The following PRMT8 variants were observed in gnomAD, a reference collection of about 807,000 sequenced individuals.
The protein encoded by PRMT8 is protein arginine methyltransferase 8.
Under a neutral mutation model 47.1 loss-of-function variants are expected in PRMT8, and 7 were observed. That is an observed-to-expected ratio of 0.15 (90% CI 0.08 to 0.28). The LOEUF is 0.28. Among genes scored for constraint, PRMT8 ranks in the 10% least tolerant of loss-of-function variants. The pLI is 1.00. For missense variants in PRMT8, 237 were observed against 505.4 expected, an observed-to-expected ratio of 0.47 and a Z score of 5.09; for synonymous variants, 188 against 186.5, an observed-to-expected ratio of 1.01 and a Z score of -0.07.
chr12:3,549,878 G>A (rs1866387490), intron 2 of PRMT8, 58 bp from the exon 3 acceptor site: 7 of 1,593,864 alleles, frequency 4.4e-6, no homozygotes, highest in African/African-American at 2.7e-5. Context: ...CATAGCCATG[G>A]TGTACACCCA....
At chr12:3,533,974 C>T (rs1866076034) in intron 1 of PRMT8, among the ~76,000 whole-genome samples, 1 of 152,224 alleles carries the variant, frequency 6.6e-6, no homozygotes, top group Non-Finnish European at 1.5e-5. Flanking sequence ...TGAGTAAACA[C>T]AGGTTGAAGA....
rs777975976 is a variant in PRMT8 at position 3,491,581 on chromosome 12, C to T, written c.-45C>T. 2.6e-5 allele frequency: 42 copies of T among 1,594,430 alleles called. No individual in the cohort carries two copies. The African/African-American group carries it at 4.9e-4, about 18-fold the overall frequency. ...TCTTTTAAAGCGACACCAGCTCTCT[C>T]TCCTCCTCTACTATCTCGGTATCAC... On this transcript the variant is annotated 5_prime_UTR_variant, in exon 1 of 10. Coordinates refer to ENST00000382622, the MANE Select transcript of PRMT8 (RefSeq NM_019854.5).
chr12:3,479,255 C>T (rs548609551), intron 1 of PRMT8, among the ~76,000 whole-genome samples: 2 of 152,358 alleles, frequency 1.3e-5, no homozygotes, highest in South Asian at 4.1e-4. Flanking sequence ...TGGCTTCCCC[C>T]CAGCTCTCAC....
intron 1 of PRMT8, among the ~76,000 whole-genome samples, chr12:3,439,777 A>T (rs1864779603): frequency 6.6e-6 from 1 of 152,166 alleles, no homozygotes; most frequent in Admixed American, 6.5e-5. Context: ...GAGTGCCTGT[A>T]TTGTCTCTGC....
At chr12:3,381,884 A>C (rs1864095609) in intron 1 of PRMT8, among the ~76,000 whole-genome samples, 1 of 152,092 alleles carries the variant, frequency 6.6e-6, no homozygotes, top group African/African-American at 2.4e-5. Flanking sequence ...CTAAAAGAGG[A>C]GACTCCTTCT....
In PRMT8 at chr12:3,538,845, G is replaced by A; in HGVS notation, c.76-1761G>A. 1 of 463,140 alleles carries A rather than the reference G, an allele frequency of 2.2e-6. No homozygotes were observed. The highest frequency in any genetic ancestry group is 4.4e-6 in the Non-Finnish European group (1 of 229,790). 28.7% of individuals were successfully genotyped at this position (463,140 alleles called of 1,614,324 possible). ...GAGGCAGCCCCACTCGCCTTTGCCA[G>A]CCCGCCCGGGATCTCACCGACGTGA... On this transcript the variant is annotated intron_variant, in intron 1 of 9. Coordinates refer to ENST00000382622, the MANE Select transcript of PRMT8 (RefSeq NM_019854.5). This position sits in a 1 kb window ranked among gnomAD's most constrained non-coding sequence, Gnocchi z 4.6.
At chr12:3,406,711 T>C (rs1864375928) in intron 1 of PRMT8, among the ~76,000 whole-genome samples, 1 of 152,228 alleles carries the variant, frequency 6.6e-6, no homozygotes, top group Admixed American at 6.5e-5. Flanking sequence ...TCTATATCAC[T>C]ATCAGCATTT....
At chr12:3,408,285 G>A (rs1864393148) in intron 1 of PRMT8, among the ~76,000 whole-genome samples, 1 of 150,592 alleles carries the variant, frequency 6.6e-6, no homozygotes, top group Non-Finnish European at 1.5e-5. Flanking sequence ...CCAGGCTGGA[G>A]TGCAGTGGTG....
In PRMT8 at chr12:3,569,145, A is replaced by G. The variant is rs888330989; in HGVS notation, c.624+297A>G. ...GGTCCGTTTCGGTCAGCAAGTACTT[A>G]GGACTTGCATGGCTGCCAGAGCCAG... On this transcript the variant is annotated intron_variant, in intron 5 of 9. Transcript: ENST00000382622. The surrounding 1 kb of genome is among the most constrained non-coding windows in gnomAD (Gnocchi z 8.2). Among the ~76,000 whole-genome samples, 1 of 152,188 alleles carries G rather than the reference A, an allele frequency of 6.6e-6. No homozygotes were observed. Among genetic ancestry groups the G allele is most frequent in the Non-Finnish European group, 1.5e-5 (1 of 68,028 alleles).
intron 1 of PRMT8, among the ~76,000 whole-genome samples, chr12:3,438,974 A>C (rs1228726923): frequency 6.6e-6 from 1 of 152,216 alleles, no homozygotes; most frequent in Non-Finnish European, 1.5e-5. Flanking sequence ...TTTTCTGTTC[A>C]AGAACACTGT....
chr12:3,396,398 G>A (rs1864249002), intron 1 of PRMT8, among the ~76,000 whole-genome samples: 1 of 152,034 alleles, frequency 6.6e-6, no homozygotes, highest in Admixed American at 6.6e-5. Context: ...GCTCTTTTAG[G>A]GCAGGCCTGG....
intron 3 of PRMT8, chr12:3,551,353 G>A (rs1474043012): frequency 6.6e-6 from 1 of 152,394 alleles, no homozygotes; most frequent in African/African-American, 2.4e-5. Context: ...CCCAAGGGCA[G>A]GTCATGTCAT....
chr12:3,447,507 C>T (rs937002494), intron 1 of PRMT8, among the ~76,000 whole-genome samples: 4 of 152,240 alleles, frequency 2.6e-5, no homozygotes, highest in Admixed American at 6.5e-5. Flanking sequence ...GCCTCTCGCA[C>T]TCAGTCACCA....
Position 3,552,566 on chromosome 12 carries a change from A to C in PRMT8, c.418-1085A>C. 1 of 336,524 alleles carries C rather than the reference A, an allele frequency of 3.0e-6. No individual in the cohort carries two copies. Among genetic ancestry groups the C allele is most frequent in the Non-Finnish European group, 6.0e-6 (1 of 167,144 alleles). The allele number at this position is 336,524 out of a possible 1,614,324, so 20.8% of individuals were successfully genotyped here. On this transcript the variant is annotated intron_variant, in intron 3 of 9. Coordinates refer to ENST00000382622, the MANE Select transcript of PRMT8 (RefSeq NM_019854.5). The surrounding 1 kb of genome is among the most constrained non-coding windows in gnomAD (Gnocchi z 4.5). ...GGGGAGAAGAAGAGGAGGGAATCACACCCCACAGACAGTGCAGCCTGAAGG... is the reference window on the plus strand; with the variant it reads ...GGGGAGAAGAAGAGGAGGGAATCACCCCCCACAGACAGTGCAGCCTGAAGG...
chr12:3,556,937 C>T (rs1866538631), intron 4 of PRMT8, among the ~76,000 whole-genome samples: 1 of 151,994 alleles, frequency 6.6e-6, no homozygotes, highest in Admixed American at 6.6e-5. Flanking sequence ...TGCCTTGGGG[C>T]AGGGACAGTT....
chr12:3,432,264 TC>T (rs1864689747), intron 1 of PRMT8, among the ~76,000 whole-genome samples: 1 of 152,190 alleles, frequency 6.6e-6, no homozygotes, highest in Non-Finnish European at 1.5e-5. Flanking sequence ...TTTTTTGGTT[TC>T]ACTTTCCATT....
chr12:3,427,507 T>C (rs1411488186), intron 1 of PRMT8, among the ~76,000 whole-genome samples: 2 of 152,192 alleles, frequency 1.3e-5, no homozygotes, highest in African/African-American at 4.8e-5. Flanking sequence ...AACCATTTAA[T>C]GTAGGTAAAA....
Position 3,593,170 on chromosome 12 carries a change from C to T in PRMT8, c.1173C>T (p.Tyr391=). ...QLCETSVSND[Y]KMR is the part of the protein sequence containing the mutation. ...GTGAAACATCTGTATCTAATGACTA[C>T]AAAATGCGTTAGCACACGTGGGAAG... The change falls in exon 10 of 10, where the codon TAC becomes TAT. Residue 391 remains tyrosine, a synonymous_variant. Transcript: ENST00000382622. This position sits in a 1 kb window ranked among gnomAD's most constrained non-coding sequence, Gnocchi z 4.8. 3 of 1,613,704 alleles carry T rather than the reference C, an allele frequency of 1.9e-6. No individual in the cohort carries two copies. The highest frequency in any genetic ancestry group is 2.5e-6 in the Non-Finnish European group (3 of 1,179,694).
intron 1 of PRMT8, among the ~76,000 whole-genome samples, chr12:3,511,146 G>GTT (rs922407243): frequency 7.9e-5 from 12 of 152,320 alleles, no homozygotes; most frequent in African/African-American, 2.6e-4. Flanking sequence ...CACTTTGCCT[G>GTT]TTATAACCTT....
Sources: allele counts gnomAD v4.1 joint callset (sites outside exome capture counted in the v4.1 genomes callset), GRCh38; gene constraint gnomAD v4.1.1; non-coding constraint Gnocchi (gnomAD v3.1); transcripts MANE v1.5; gene names NCBI Gene and HGNC (gene_info 2026-07-23, HGNC 2026-07-21).